The following BIRC2 variants were observed in gnomAD, a reference collection of about 807,000 sequenced individuals.
BIRC2 encodes the protein baculoviral IAP repeat containing 2.
A neutral mutation model predicts 60.9 loss-of-function variants in BIRC2; 18 were observed. The observed-to-expected ratio is 0.30, with a 90% CI of 0.20 to 0.44. The LOEUF (loss-of-function observed/expected upper bound fraction) is 0.44, where lower values mean the gene tolerates loss of function less well. Among genes scored for constraint, BIRC2 ranks in the 20% least tolerant of loss-of-function variants. The pLI is 1.00. For missense variants in BIRC2, 701 were observed against 728.5 expected, an observed-to-expected ratio of 0.96 and a Z score of 0.43; for synonymous variants, 282 against 247.7, an observed-to-expected ratio of 1.14 and a Z score of -1.30.
chr11:102,365,549 A>G (rs1203370464), intron 5 of BIRC2, among the ~76,000 whole-genome samples: 1 of 152,140 alleles, frequency 6.6e-6, no homozygotes, highest in Non-Finnish European at 1.5e-5. Flanking sequence ...GTTAATTAGC[A>G]TTTGATAATC....
In BIRC2 at chr11:102,355,911, A is replaced by G. The variant is rs553015842; in HGVS notation, c.995+4968A>G. On this transcript the variant is annotated intron_variant, in intron 3 of 8. Transcript: ENST00000227758. The stretch of plus-strand genomic sequence containing the variant: ...ATTACTTTCTTAAGTTCTCTTTCAG[A>G]TAGTTCATTGTTAGTACTGACTTTT... Among the ~76,000 whole-genome samples, 7 of 152,184 alleles carry G rather than the reference A, an allele frequency of 4.6e-5. No homozygotes were observed. The South Asian group carries it at 1.4e-3, about 32-fold the overall frequency.
intron 6 of BIRC2, among the ~76,000 whole-genome samples, chr11:102,369,278 A>G (rs1237657030): frequency 6.8e-6 from 1 of 146,742 alleles, no homozygotes; most frequent in Non-Finnish European, 1.5e-5. Flanking sequence ...CTCATCATCT[A>G]GCATTAGGTA....
At chr11:102,374,617 T>C (rs1436407573) in intron 6 of BIRC2, among the ~76,000 whole-genome samples, 2 of 148,814 alleles carry the variant, frequency 1.3e-5, no homozygotes, top group Non-Finnish European at 2.9e-5. Context: ...ACTGCTGTCT[T>C]TTTGTTTGTC....
intron 5 of BIRC2, among the ~76,000 whole-genome samples, chr11:102,364,854 C>G (rs573870975): frequency 6.6e-6 from 1 of 152,146 alleles, no homozygotes; most frequent in South Asian, 2.1e-4. Context: ...TGTAATAGAC[C>G]TAGAAAAGAT....
At chr11:102,377,832 T>C in intron 7 of BIRC2, 25 bp from the exon 8 acceptor site, 2 of 1,599,932 alleles carry the variant, frequency 1.3e-6, no homozygotes, top group South Asian at 1.1e-5. Context: ...AGTAGAGTAA[T>C]GGTTTTTATG....
chr11:102,362,337 G>A (rs1951494359), intron 3 of BIRC2, among the ~76,000 whole-genome samples: 1 of 152,088 alleles, frequency 6.6e-6, no homozygotes, highest in South Asian at 2.1e-4. Flanking sequence ...GATGGTATGT[G>A]AACTTCTTGG....
In BIRC2 at chr11:102,365,661, T is replaced by A. The variant is rs34986142; in HGVS notation, c.1123+1945T>A. 7.2e-3 allele frequency among the ~76,000 whole-genome samples: 1,097 copies of A among 152,228 alleles called. 16 individuals are homozygous for A. Among genetic ancestry groups the A allele is most frequent in the African/African-American group, 0.025 (1,050 of 41,514 alleles). ...GTGCCATCATGGCTCACTGCAGCCT[T>A]AACTTCCCTGGCTCAGGTGATTCTC... On this transcript the variant is annotated intron_variant, in intron 5 of 8. Coordinates refer to ENST00000227758, the MANE Select transcript of BIRC2 (RefSeq NM_001166.5).
At chr11:102,358,304 A>G (rs1247749559) in intron 3 of BIRC2, among the ~76,000 whole-genome samples, 1 of 152,228 alleles carries the variant, frequency 6.6e-6, no homozygotes, top group Non-Finnish European at 1.5e-5. Flanking sequence ...TTTGAGTACC[A>G]ACATGATGCT....
chr11:102,366,628 C>G (rs1354613355), intron 5 of BIRC2, among the ~76,000 whole-genome samples: 1 of 152,084 alleles, frequency 6.6e-6, no homozygotes. Context: ...CCTTGGCTCC[C>G]AAAGTGCTGG....
At chr11:102,376,299 C>G (rs571440333) in intron 6 of BIRC2, among the ~76,000 whole-genome samples, 12 of 152,258 alleles carry the variant, frequency 7.9e-5, no homozygotes, top group African/African-American at 2.9e-4. Flanking sequence ...CAGGAGATAG[C>G]TCTTGTGCAA....
Position 102,349,761 on chromosome 11 carries a change from C to A in BIRC2, c.-94C>A. 7.9e-7 allele frequency: 1 copy of A among 1,265,496 alleles called. No individual in the cohort carries two copies. Among genetic ancestry groups the A allele is most frequent in the South Asian group, 1.5e-5 (1 of 67,568 alleles). 78.4% of individuals were successfully genotyped at this position (1,265,496 alleles called of 1,614,324 possible). On this transcript the variant is annotated 5_prime_UTR_variant, in exon 2 of 9. Coordinates refer to ENST00000227758, the MANE Select transcript of BIRC2 (RefSeq NM_001166.5). ...AGTGTAGTAAATTCTACATAAGAGT[C>A]TATCATTGATTTCTTTTTGTGGTAA...
intron 6 of BIRC2, among the ~76,000 whole-genome samples, chr11:102,374,422 C>A (rs1438455535): frequency 1.3e-5 from 2 of 148,258 alleles, no homozygotes; most frequent in African/African-American, 5.0e-5. Flanking sequence ...TTGGAATACC[C>A]TGCCGTGTGA....
chr11:102,356,266 G>A (rs1591534879), intron 3 of BIRC2, among the ~76,000 whole-genome samples: 1 of 150,270 alleles, frequency 6.7e-6, no homozygotes, highest in East Asian at 2.0e-4. Context: ...CGCAATCTGA[G>A]CTCACTGCAA....
At chr11:102,352,110 T>TTG (rs1209504608) in intron 3 of BIRC2, among the ~76,000 whole-genome samples, 8 of 151,904 alleles carry the variant, frequency 5.3e-5, no homozygotes, top group African/African-American at 1.9e-4. Flanking sequence ...CTCTTTTTTT[T>TTG]TTTTTTTGTT....
chr11:102,375,837 A>G (rs1415867386), intron 6 of BIRC2, among the ~76,000 whole-genome samples: 1 of 152,088 alleles, frequency 6.6e-6, no homozygotes, highest in Non-Finnish European at 1.5e-5. Flanking sequence ...TATTTATTCA[A>G]CCAGACATCG....
intron 6 of BIRC2, among the ~76,000 whole-genome samples, chr11:102,376,029 C>T (rs775053968): frequency 2.0e-5 from 3 of 151,376 alleles, no homozygotes; most frequent in Non-Finnish European, 4.4e-5. Flanking sequence ...AAAGAAAGGG[C>T]CTAAGAAAAG....
At chr11:102,362,226 A>T (rs750023483) in intron 3 of BIRC2, among the ~76,000 whole-genome samples, 2 of 152,166 alleles carry the variant, frequency 1.3e-5, no homozygotes, top group Non-Finnish European at 2.9e-5. Flanking sequence ...CTATTTTTGC[A>T]TATAATATGG....
intron 4 of BIRC2, 38 bp from the exon 5 acceptor site, chr11:102,363,630 A>C: frequency 2.6e-6 from 4 of 1,528,480 alleles, no homozygotes; most frequent in Non-Finnish European, 3.6e-6. Context: ...TGTTGGGGAT[A>C]TCTGCTTTTA....
Position 102,378,380 on chromosome 11 carries a change from G to T in BIRC2, c.*197G>T. 2 of 478,130 alleles carry T rather than the reference G, an allele frequency of 4.2e-6. No individual in the cohort carries two copies. Among genetic ancestry groups the T allele is most frequent in the South Asian group, 4.2e-5 (1 of 23,826 alleles). The allele number at this position is 478,130 out of a possible 1,614,324, so 29.6% of individuals were successfully genotyped here. A position where few individuals can be genotyped will look rare whatever the true frequency, so the allele number is the denominator to read the frequency against. Reference sequence around the variant, plus strand: ...TAATCTTAATCTGTTTATTTACAAGGGAAGATTTATGTTTGGTGAACTATA... The same window carrying T: ...TAATCTTAATCTGTTTATTTACAAGTGAAGATTTATGTTTGGTGAACTATA... On this transcript the variant is annotated 3_prime_UTR_variant, in exon 9 of 9. Coordinates refer to ENST00000227758, the MANE Select transcript of BIRC2 (RefSeq NM_001166.5).
Sources: allele counts gnomAD v4.1 joint callset (sites outside exome capture counted in the v4.1 genomes callset), GRCh38; gene constraint gnomAD v4.1.1; transcripts MANE v1.5; gene names NCBI Gene and HGNC (gene_info 2026-07-23, HGNC 2026-07-21).